YES1: variants seen among roughly 807,000 people sequenced by gnomAD.
YES1 encodes the protein YES proto-oncogene 1, Src family tyrosine kinase, also known as tyrosine-protein kinase Yes.
Under a neutral mutation model 70.4 loss-of-function variants are expected in YES1, and 39 were observed. The ratio of observed to expected loss-of-function variants is 0.55; its 90% CI spans 0.43 to 0.72. The LOEUF (loss-of-function observed/expected upper bound fraction) is 0.72, where lower values mean the gene tolerates loss of function less well. YES1 is among the 30% of genes least tolerant of loss of function. YES1 has a pLI of 0.00. For synonymous variants in YES1, 198 were observed against 218.6 expected, an observed-to-expected ratio of 0.91 and a Z score of 0.83; for missense variants, 495 against 644.8, an observed-to-expected ratio of 0.77 and a Z score of 2.52.
intron 1 of YES1, among the ~76,000 whole-genome samples, chr18:778,812 T>C (rs1449321139): frequency 2.6e-5 from 4 of 152,108 alleles, no homozygotes; most frequent in African/African-American, 9.7e-5. Context: ...AGAGAAAACA[T>C]AGGCAGAGAG....
At chr18:748,099 A>G (rs1033812337) in intron 3 of YES1, 81 bp from the exon 4 acceptor site, 3 of 1,103,086 alleles carry the variant, frequency 2.7e-6, no homozygotes, top group Non-Finnish European at 4.1e-6. Context: ...CTTGTATCTG[A>G]AGTAAACAAA....
At chr18:787,117 G>C (rs1176305714) in intron 1 of YES1, among the ~76,000 whole-genome samples, 4 of 72,508 alleles carry the variant, frequency 5.5e-5, no homozygotes, top group Non-Finnish European at 9.7e-5. Context: ...TTTTTTTTGA[G>C]ACAGAGTCTC....
intron 1 of YES1, among the ~76,000 whole-genome samples, chr18:805,299 A>G (rs1029341553): frequency 2.0e-5 from 3 of 152,200 alleles, no homozygotes; most frequent in African/African-American, 4.8e-5. Context: ...CAACTGTAAC[A>G]GTATTTGTGT....
chr18:780,336 T>C (rs1905596657), intron 1 of YES1, among the ~76,000 whole-genome samples: 3 of 152,134 alleles, frequency 2.0e-5, no homozygotes, highest in Non-Finnish European at 4.4e-5. Context: ...TATTAATAAA[T>C]TAATCCATGT....
rs528332692 is a variant in YES1, at chr18:759,183, G to A, written c.-8-2348C>T. Reference sequence around the variant, plus strand: ...TAACTATAAGCATCAAAATATAACCGGGGCTAGGCGCGGTGGCTCACGCCT... The same window carrying A: ...TAACTATAAGCATCAAAATATAACCAGGGCTAGGCGCGGTGGCTCACGCCT... On this transcript the variant is annotated intron_variant, in intron 1 of 11. Coordinates refer to ENST00000314574, the MANE Select transcript of YES1 (RefSeq NM_005433.4). Among the ~76,000 whole-genome samples, 80 of 152,226 alleles carry A rather than the reference G, an allele frequency of 5.3e-4. No individual in the cohort carries two copies. The South Asian group carries it at 8.1e-3, about 15-fold the overall frequency.
At position 747,901 on chromosome 18, in the gene YES1, A is replaced by C. The variant is rs2080298874; in HGVS notation, c.470+19T>G. On this transcript the variant is annotated intron_variant, in intron 4 of 11. Transcript: ENST00000314574. ...TTCAAAAATCAAAATAATTAATAAA[A>C]TATGAAGTAGTGCCATACTCTTCTG... 4.4e-6 allele frequency: 7 copies of C among 1,606,324 alleles called. No individual in the cohort carries two copies. The highest frequency in any genetic ancestry group is 6.0e-6 in the Non-Finnish European group (7 of 1,175,874).
At chr18:787,580 C>T (rs972779766) in intron 1 of YES1, among the ~76,000 whole-genome samples, 10 of 151,926 alleles carry the variant, frequency 6.6e-5, no homozygotes, top group Non-Finnish European at 7.4e-5. Context: ...CATGCTGGTG[C>T]GTGCCTGTAA....
At chr18:780,081 A>T (rs1175258120) in intron 1 of YES1, among the ~76,000 whole-genome samples, 2 of 152,074 alleles carry the variant, frequency 1.3e-5, no homozygotes, top group Non-Finnish European at 2.9e-5. Flanking sequence ...TAAAAATACA[A>T]AAATTAGCCA....
At chr18:751,522 A>G (rs1373429420) in intron 3 of YES1, among the ~76,000 whole-genome samples, 183 bp downstream of exon 3, 1 of 152,208 alleles carries the variant, frequency 6.6e-6, no homozygotes, top group African/African-American at 2.4e-5. Flanking sequence ...TGTAGAAGTA[A>G]TAACTTCTGG....
chr18:736,923 A>G lies in YES1; in HGVS notation c.1176T>C (p.Tyr392=). The stretch of plus-strand genomic sequence containing the variant: ...TAGCAGCCCGAAGATCTCGGTGAAT[A>G]TAGTTCATTCTTTCAATATATGCCA... ...DGMAYIERMN[Y]IHRDLRAANI... Residue 392 remains tyrosine (Y), a synonymous_variant, in exon 10 of 12, where the codon TAT becomes TAC. Coordinates refer to ENST00000314574, the MANE Select transcript of YES1 (RefSeq NM_005433.4). The G allele has an allele frequency of 1.2e-5, 20 of 1,611,560 alleles. No homozygotes were observed. Among genetic ancestry groups the G allele is most frequent in the South Asian group, 2.2e-5 (2 of 91,038 alleles).
chr18:779,237 G>A (rs140147810), intron 1 of YES1, among the ~76,000 whole-genome samples: 1,698 of 151,542 alleles, frequency 0.011, 39 homozygotes, highest in African/African-American at 0.039. Flanking sequence ...CCCCCGTCCC[G>A]GCAAAAAATT....
chr18:731,966 C>CAAAAAAAAAAAAAAA (rs1165333694), intron 11 of YES1, among the ~76,000 whole-genome samples: 10 of 79,964 alleles, frequency 1.3e-4, no homozygotes, highest in African/African-American at 4.5e-4. Flanking sequence ...GACTCCATTT[C>CAAAAAAAAAAAAAAA]AAAAAAAAAA....
At chr18:774,855 C>T (rs1390346982) in intron 1 of YES1, among the ~76,000 whole-genome samples, 1 of 152,146 alleles carries the variant, frequency 6.6e-6, no homozygotes, top group African/African-American at 2.4e-5. Context: ...CTACTATGGC[C>T]TTCAAGATCC....
At position 734,808 on chromosome 18, in the gene YES1, C is replaced by T. The variant is rs143292872; in HGVS notation, c.1292-1843G>A. Among the ~76,000 whole-genome samples the T allele has an allele frequency of 2.9e-3, 434 of 152,104 alleles. 4 individuals carry two copies. The highest frequency in any genetic ancestry group is 0.01 in the African/African-American group (420 of 41,490). ...AACAGTATGGAAACTCCTTAAAGAACGAAAAGCAGAACTACCATTCAATCC... is the reference window on the plus strand; with the variant it reads ...AACAGTATGGAAACTCCTTAAAGAATGAAAAGCAGAACTACCATTCAATCC... On this transcript the variant is annotated intron_variant, in intron 10 of 11. Transcript: ENST00000314574.
chr18:770,190 C>T (rs1412623398), intron 1 of YES1, among the ~76,000 whole-genome samples: 4 of 151,646 alleles, frequency 2.6e-5, no homozygotes, highest in Non-Finnish European at 4.4e-5. Context: ...GATCTCCTGA[C>T]GTCGTGATCT....
At chr18:797,235 A>C (rs929655385) in intron 1 of YES1, among the ~76,000 whole-genome samples, 4 of 152,198 alleles carry the variant, frequency 2.6e-5, no homozygotes, top group Non-Finnish European at 5.9e-5. Context: ...GGAGAGATGC[A>C]TAGTAGCCTT....
chr18:736,759 A>G (rs1284192843), intron 10 of YES1, 49 bp downstream of exon 10: 1 of 1,585,770 alleles, frequency 6.3e-7, no homozygotes, highest in Admixed American at 1.8e-5. Context: ...CAAGAGAGTT[A>G]AGCAAAACAC....
At chr18:757,451 A>T (rs376671687) in intron 1 of YES1, among the ~76,000 whole-genome samples, 1 of 148,852 alleles carries the variant, frequency 6.7e-6, no homozygotes, top group Non-Finnish European at 1.5e-5. Flanking sequence ...TGCAGTGAGC[A>T]GAGATCGCGC....
At chr18:748,356 TTTTC>T (rs978973103) in intron 3 of YES1, among the ~76,000 whole-genome samples, 4 of 20,344 alleles carry the variant, frequency 2.0e-4, no homozygotes, top group Non-Finnish European at 2.8e-4. Context: ...CTCAGTATTC[TTTTC>T]TTTTTTTTTT....
Sources: gnomAD v4.1 joint callset for allele counts (sites outside exome capture counted in the v4.1 genomes callset) on GRCh38, gnomAD v4.1.1 for gene constraint, MANE v1.5 for transcripts, NCBI Gene and HGNC (gene_info 2026-07-23, HGNC 2026-07-21) for gene names.